Variants in ITSN1 observed in about 807,000 individuals in gnomAD.
ITSN1 encodes the protein intersectin 1.
ITSN1 carries 58 observed loss-of-function variants against 239.8 expected under a neutral mutation model. The observed-to-expected ratio is 0.24, with a 90% CI of 0.20 to 0.30. ITSN1 has a LOEUF of 0.30. Ranked by LOEUF, ITSN1 falls within the 10% of genes least tolerant of loss-of-function variation. ITSN1 has a pLI of 1.00. For missense variants in ITSN1, 1,558 were observed against 2,103.3 expected, an observed-to-expected ratio of 0.74 and a Z score of 5.07; for synonymous variants, 780 against 770.8, an observed-to-expected ratio of 1.01 and a Z score of -0.20.
At chr21:33,744,163 G>A (rs1029932796) in intron 5 of ITSN1, among the ~76,000 whole-genome samples, 1 of 152,106 alleles carries the variant, frequency 6.6e-6, no homozygotes, top group Non-Finnish European at 1.5e-5. Context: ...AAGGGGAGCA[G>A]GACTGCATGC....
At chr21:33,654,186 A>G (rs562824443) in intron 1 of ITSN1, among the ~76,000 whole-genome samples, 8 of 150,344 alleles carry the variant, frequency 5.3e-5, no homozygotes, top group African/African-American at 2.0e-4. Flanking sequence ...AGCTTTGACT[A>G]CAGCCACAGC....
rs1979884452 is a variant in ITSN1, at chr21:33,858,852, CCT to C, written c.3890+63_3890+64del. On this transcript the variant is annotated intron_variant, in intron 31 of 39. Coordinates refer to ENST00000381318, the MANE Select transcript of ITSN1 (RefSeq NM_003024.3). ...CCTCCTCGGCTCTCATGCACTCGCA[CCT>C]CTGTGGGTCTGTGTGTCCTTCTTGC... is the stretch of plus-strand genomic sequence containing the variant. 6.4e-6 allele frequency: 6 copies of C among 935,394 alleles called. No homozygotes were observed. In the Admixed American group the frequency reaches 1.1e-4, roughly 18 times the overall value. 57.9% of individuals were successfully genotyped at this position (935,394 alleles called of 1,614,324 possible).
At position 33,882,740 on chromosome 21, in the gene ITSN1, G is replaced by A. The variant is rs977804522; in HGVS notation, c.4554+285G>A. Among the ~76,000 whole-genome samples the A allele has an allele frequency of 6.6e-6, 1 of 152,144 alleles. No individual in the cohort carries two copies. Among genetic ancestry groups the A allele is most frequent in the Non-Finnish European group, 1.5e-5 (1 of 68,024 alleles). On this transcript the variant is annotated intron_variant, in intron 35 of 39. Coordinates refer to ENST00000381318, the MANE Select transcript of ITSN1 (RefSeq NM_003024.3). This position sits in a 1 kb window ranked among gnomAD's most constrained non-coding sequence, Gnocchi z 4.5. ...CTTTAGCCTGTAGGAGCGAAGTCTA[G>A]GGTACAGATGAGGCAGGTGTGAAAA...
intron 1 of ITSN1, among the ~76,000 whole-genome samples, chr21:33,693,958 A>G (rs945656956): frequency 1.3e-5 from 2 of 152,246 alleles, no homozygotes; most frequent in East Asian, 1.9e-4. Flanking sequence ...CTTAAACACA[A>G]TGGACAAATA....
chr21:33,716,935 C>T (rs1335312773), intron 1 of ITSN1, among the ~76,000 whole-genome samples: 1 of 97,716 alleles, frequency 1.0e-5, no homozygotes, highest in African/African-American at 3.7e-5. Flanking sequence ...GACTCCGTCT[C>T]AAAAAAAAAA....
At chr21:33,777,925 G>A (rs920396960) in intron 14 of ITSN1, among the ~76,000 whole-genome samples, 48 of 152,274 alleles carry the variant, frequency 3.2e-4, no homozygotes, top group African/African-American at 1.1e-3. Flanking sequence ...CAGGGTTCTT[G>A]TAAACACCTT....
At chr21:33,880,813 G>T (rs1258252788) in intron 34 of ITSN1, among the ~76,000 whole-genome samples, 1 of 152,126 alleles carries the variant, frequency 6.6e-6, no homozygotes, top group Non-Finnish European at 1.5e-5. Flanking sequence ...GCCTCGGACT[G>T]GGTCATCTTA....
intron 29 of ITSN1, 62 bp downstream of exon 29, chr21:33,836,694 A>T: frequency 7.7e-7 from 1 of 1,302,402 alleles, no homozygotes. Flanking sequence ...AACATGCAGC[A>T]TTGCTCTGAT....
intron 36 of ITSN1, among the ~76,000 whole-genome samples, chr21:33,884,604 C>T (rs1985478737): frequency 6.6e-6 from 1 of 152,224 alleles, no homozygotes; most frequent in Non-Finnish European, 1.5e-5. Flanking sequence ...AAATGCCTTC[C>T]CCCAAGGCGT....
intron 5 of ITSN1, among the ~76,000 whole-genome samples, chr21:33,743,417 G>A (rs535131081): frequency 6.6e-6 from 1 of 152,306 alleles, no homozygotes; most frequent in East Asian, 1.9e-4. Context: ...AGTAAGCTGA[G>A]ATCACACCAC....
chr21:33,751,640 T>G (rs1173590027), intron 6 of ITSN1, among the ~76,000 whole-genome samples, 170 bp from the exon 7 acceptor site: 1 of 152,174 alleles, frequency 6.6e-6, no homozygotes, highest in Non-Finnish European at 1.5e-5. Flanking sequence ...AGAAACCTTT[T>G]TGGCAGGAGG....
chr21:33,817,757 G>GT (rs903404735), intron 22 of ITSN1: 1 of 769,310 alleles, frequency 1.3e-6, no homozygotes, highest in Non-Finnish European at 1.8e-6. Flanking sequence ...CCAAATCCCT[G>GT]TTTTCTCTGA....
intron 16 of ITSN1, among the ~76,000 whole-genome samples, chr21:33,788,689 T>A (rs2070862113): frequency 6.6e-6 from 1 of 152,170 alleles, no homozygotes; most frequent in Admixed American, 6.5e-5. Flanking sequence ...GCCAAGATCA[T>A]GCCACTGCAT....
intron 1 of ITSN1, among the ~76,000 whole-genome samples, chr21:33,664,804 GTTA>G (rs2089817724): frequency 6.6e-6 from 1 of 152,118 alleles, no homozygotes; most frequent in South Asian, 2.1e-4. Flanking sequence ...TACGAATGAA[GTTA>G]TTATATGTAG....
intron 1 of ITSN1, among the ~76,000 whole-genome samples, chr21:33,717,883 G>C (rs945071084): frequency 6.6e-6 from 1 of 152,128 alleles, no homozygotes; most frequent in Non-Finnish European, 1.5e-5. Context: ...CTGGATTTTT[G>C]TTTTTAGTTA....
chr21:33,749,670 G>A (rs2067420291), intron 5 of ITSN1, among the ~76,000 whole-genome samples: 1 of 151,584 alleles, frequency 6.6e-6, no homozygotes, highest in African/African-American at 2.4e-5. Context: ...AAAAAGAAAA[G>A]AAAATGAATA....
At chr21:33,805,295 GTCTTAGTGTTAC>G (rs2072327390) in intron 20 of ITSN1, among the ~76,000 whole-genome samples, 1 of 152,194 alleles carries the variant, frequency 6.6e-6, no homozygotes, top group Non-Finnish European at 1.5e-5. Context: ...GAAATTGTTT[GTCTTAGTGTTAC>G]TCTTATAACA....
intron 1 of ITSN1, among the ~76,000 whole-genome samples, chr21:33,683,055 C>T (rs541316086): frequency 6.6e-6 from 1 of 152,272 alleles, no homozygotes; most frequent in South Asian, 2.1e-4. Flanking sequence ...CAAACACTCT[C>T]TTTCTCTTCC....
intron 19 of ITSN1, among the ~76,000 whole-genome samples, chr21:33,801,058 A>T (rs2071966969): frequency 6.6e-6 from 1 of 152,206 alleles, no homozygotes; most frequent in Admixed American, 6.5e-5. Context: ...TTTTATAGAG[A>T]TAGGGTTTCT....
Sources: allele counts gnomAD v4.1 joint callset (sites outside exome capture counted in the v4.1 genomes callset), GRCh38; gene constraint gnomAD v4.1.1; non-coding constraint Gnocchi (gnomAD v3.1); transcripts MANE v1.5; gene names NCBI Gene and HGNC (gene_info 2026-07-23, HGNC 2026-07-21).